The following DCDC2 variants were observed in gnomAD, a reference collection of about 807,000 sequenced individuals.
DCDC2 encodes the protein doublecortin domain-containing protein 2.
Under a neutral mutation model 50.2 loss-of-function variants are expected in DCDC2, and 40 were observed. That is an observed-to-expected ratio of 0.80 (90% CI 0.62 to 1.04). The LOEUF (loss-of-function observed/expected upper bound fraction) is 1.04. DCDC2 is among the 50% of genes least tolerant of loss of function. The pLI is 0.00. For synonymous variants in DCDC2, 234 were observed against 210.6 expected (o/e 1.11, Z -0.96); for missense variants, 570 against 581.9 (o/e 0.98, Z 0.21).
upstream of DCDC2, among the ~76,000 whole-genome samples, chr6:24,359,533 TTTTTATATA>T (rs1465103262): frequency 1.8e-4 from 19 of 104,582 alleles, no homozygotes; most frequent in East Asian, 3.3e-3. Flanking sequence ...TTATATATAT[TTTTTATATA>T]TTTTATATAT....
At chr6:24,283,519 G>A (rs1763523917) in intron 6 of DCDC2, among the ~76,000 whole-genome samples, 1 of 152,046 alleles carries the variant, frequency 6.6e-6, no homozygotes, top group Non-Finnish European at 1.5e-5. Context: ...GCCATGTAGG[G>A]AAAAATAAAT....
chr6:24,277,948 A>G lies in DCDC2; in HGVS notation c.922+101T>C, dbSNP rs556247140. 5.1e-4 allele frequency: 496 copies of G among 971,138 alleles called. 2 individuals are homozygous for G. The highest frequency in any genetic ancestry group is 4.7e-3 in the African/African-American group (286 of 60,992). The allele number at this position is 971,138 out of a possible 1,614,324, so 60.2% of individuals were successfully genotyped here. Reference sequence around the variant, plus strand: ...TACAATTTTCTTTGAAAACTCTCATATATGAAAATAAGGAATATCTTCTGT... The same window carrying G: ...TACAATTTTCTTTGAAAACTCTCATGTATGAAAATAAGGAATATCTTCTGT... On this transcript the variant is annotated intron_variant, in intron 7 of 9. Transcript: ENST00000378454.
At chr6:24,238,410 T>C (rs1480871074) in intron 7 of DCDC2, among the ~76,000 whole-genome samples, 3 of 151,462 alleles carry the variant, frequency 2.0e-5, no homozygotes. Flanking sequence ...GCGATTATCA[T>C]GCCTCAGCCT....
At chr6:24,205,249 CCACCA>C in intron 7 of DCDC2, 147 bp from the exon 8 acceptor site, 1 of 1,573,620 alleles carries the variant, frequency 6.4e-7, no homozygotes, top group Non-Finnish European at 8.6e-7. Flanking sequence ...CCTCCTCCGA[CCACCA>C]CACCACCCCC....
At chr6:24,365,984 A>G in the DCDC2 span, among the ~76,000 whole-genome samples, 1 of 151,646 alleles carries the variant, frequency 6.6e-6, no homozygotes, top group African/African-American at 2.4e-5. Flanking sequence ...AGCCTGGCTA[A>G]TTTTTGTATT....
chr6:24,175,041 G>T, intron 9 of DCDC2, among the ~76,000 whole-genome samples: 1 of 152,058 alleles, frequency 6.6e-6, no homozygotes, highest in East Asian at 1.9e-4. Context: ...TCCTTTTGGG[G>T]TTCATAATCT....
At chr6:24,255,408 A>G (rs993765802) in intron 7 of DCDC2, among the ~76,000 whole-genome samples, 1 of 152,060 alleles carries the variant, frequency 6.6e-6, no homozygotes, top group Non-Finnish European at 1.5e-5. Context: ...AGAAGAAAAC[A>G]TAGGAAAAAC....
intron 7 of DCDC2, among the ~76,000 whole-genome samples, chr6:24,220,879 A>AGAGCGAGAGAGCAAGCGAGC: frequency 9.3e-6 from 1 of 106,978 alleles, no homozygotes; most frequent in Non-Finnish European, 1.8e-5. Flanking sequence ...CAAGAGAGCG[A>AGAGCGAGAGAGCAAGCGAGC]GAGCGAGAGA....
intron 7 of DCDC2, among the ~76,000 whole-genome samples, chr6:24,215,885 G>C (rs1761962292): frequency 6.6e-6 from 1 of 152,172 alleles, no homozygotes; most frequent in African/African-American, 2.4e-5. Context: ...ACTTGTATTG[G>C]CAGGACTCCG....
chr6:24,341,750 G>A (rs1011248846), intron 2 of DCDC2, among the ~76,000 whole-genome samples: 3 of 152,072 alleles, frequency 2.0e-5, no homozygotes, highest in Non-Finnish European at 2.9e-5. Context: ...CTGGGGCCAG[G>A]GACCTAGTAG....
chr6:24,371,086 G>A, the DCDC2 span, among the ~76,000 whole-genome samples: 2 of 151,990 alleles, frequency 1.3e-5, no homozygotes, highest in African/African-American at 2.4e-5. Flanking sequence ...GACCAGTCTA[G>A]CCAACATAGT....
intron 7 of DCDC2, among the ~76,000 whole-genome samples, chr6:24,265,955 A>G (rs548728913): frequency 1.1e-4 from 17 of 151,054 alleles, no homozygotes; most frequent in Admixed American, 4.0e-4. Context: ...TAAATAGTGG[A>G]AAAAAAAATA....
At chr6:24,270,619 T>C (rs1276070457) in intron 7 of DCDC2, among the ~76,000 whole-genome samples, 1 of 152,052 alleles carries the variant, frequency 6.6e-6, no homozygotes, top group African/African-American at 2.4e-5. Context: ...AGGTTTTATA[T>C]CACCCCAGGC....
chr6:24,317,534 C>T (rs1455116875), intron 2 of DCDC2, among the ~76,000 whole-genome samples: 1 of 151,942 alleles, frequency 6.6e-6, no homozygotes, highest in Admixed American at 6.6e-5. Context: ...AAAATGAAAT[C>T]ATACAAGTAC....
intron 7 of DCDC2, among the ~76,000 whole-genome samples, chr6:24,212,762 C>G (rs1477061159): frequency 1.3e-5 from 2 of 152,144 alleles, no homozygotes; most frequent in Non-Finnish European, 2.9e-5. Flanking sequence ...ATAACAAACA[C>G]TCTAGTAAAA....
intron 8 of DCDC2, among the ~76,000 whole-genome samples, chr6:24,185,690 C>CACAT (rs1459376399): frequency 2.6e-5 from 1 of 37,812 alleles, no homozygotes; most frequent in African/African-American, 3.9e-4. Context: ...CATACACATA[C>CACAT]ACACACACAC....
chr6:24,198,423 G>C (rs953218515), intron 8 of DCDC2, among the ~76,000 whole-genome samples: 1 of 152,184 alleles, frequency 6.6e-6, no homozygotes, highest in African/African-American at 2.4e-5. Context: ...CACTCCCCTA[G>C]CCAAGGGAAG....
intron 2 of DCDC2, among the ~76,000 whole-genome samples, chr6:24,337,620 C>T (rs9467116): frequency 0.15 from 22,160 of 151,746 alleles, 2,720 homozygotes; most frequent in African/African-American, 0.34. Context: ...ATGGTGAAAC[C>T]CCATCTCTAC....
At chr6:24,241,198 C>T (rs1239193374) in intron 7 of DCDC2, among the ~76,000 whole-genome samples, 1 of 152,144 alleles carries the variant, frequency 6.6e-6, no homozygotes, top group Non-Finnish European at 1.5e-5. Context: ...AAAGGAAAAA[C>T]AATGGCCTTT....
Sources: gnomAD v4.1 joint callset for allele counts (sites outside exome capture counted in the v4.1 genomes callset) on GRCh38, gnomAD v4.1.1 for gene constraint, MANE v1.5 for transcripts, NCBI Gene and HGNC (gene_info 2026-07-23, HGNC 2026-07-21) for gene names.